The following SLX9 variants were observed in gnomAD, a reference collection of about 807,000 sequenced individuals.
SLX9 encodes the protein ribosome biogenesis protein SLX9 homolog.
Under a neutral mutation model 20.8 loss-of-function variants are expected in SLX9, and 19 were observed. The observed-to-expected ratio is 0.91, with a 90% CI of 0.64 to 1.34. The LOEUF is 1.34. Ranked by LOEUF, SLX9 falls within the 40% of genes most tolerant of loss-of-function variation. SLX9 has a pLI of 0.00. For synonymous variants in SLX9, 113 were observed against 137.1 expected (o/e 0.82, Z 1.23); for missense variants, 299 against 322.2 (o/e 0.93, Z 0.55).
At chr21:44,966,741 G>A (rs574212271) in intron 3 of SLX9, among the ~76,000 whole-genome samples, 4 of 152,314 alleles carry the variant, frequency 2.6e-5, no homozygotes, top group African/African-American at 9.6e-5. Flanking sequence ...ACTCCCCTAC[G>A]CGTGCTCCGG....
Position 44,952,724 on chromosome 21 carries a change from C to T in SLX9, c.284-7376C>T, listed in dbSNP as rs760934434. ...ATGTGGGTGTCCGTGTCATGTGCTC[C>T]GGGCGCCCCCCTGCCTAGGAGACGG... On this transcript the variant is annotated intron_variant, in intron 2 of 5. Coordinates refer to ENST00000291634, the MANE Select transcript of SLX9 (RefSeq NM_058190.4). Among the ~76,000 whole-genome samples the T allele has an allele frequency of 5.9e-5, 9 of 152,178 alleles. 1 individual carries two copies. The highest frequency in any genetic ancestry group is 1.4e-4 in the African/African-American group (6 of 41,450).
intron 4 of SLX9, among the ~76,000 whole-genome samples, chr21:44,972,018 A>G (rs1300987885): frequency 1.3e-5 from 2 of 152,214 alleles, no homozygotes; most frequent in Admixed American, 6.5e-5. Flanking sequence ...AGCTAGGGTT[A>G]AAAGAAAGCG....
chr21:44,946,082 G>A (rs2084636995), intron 2 of SLX9, among the ~76,000 whole-genome samples: 1 of 152,246 alleles, frequency 6.6e-6, no homozygotes, highest in Admixed American at 6.5e-5. Context: ...AGAGTAACTG[G>A]TGGGAGAGGG....
chr21:44,943,689 G>A lies in SLX9; in HGVS notation c.135G>A (p.Trp45Ter), dbSNP rs1387501807. The A allele has an allele frequency of 6.2e-7, 1 of 1,613,880 alleles. No individual in the cohort carries two copies. The highest frequency in any genetic ancestry group is 8.5e-7 in the Non-Finnish European group (1 of 1,179,930). ...PPPASAAGKD[W>*]AFINTNIFAR... ...GTTTTTGTTGGGGACATTAGGACTG[G>A]GCGTTCATCAACACCAACATCTTTG... is the stretch of plus-strand genomic sequence containing the variant. Residue 45 changes from tryptophan to a stop codon, truncating the protein, a stop_gained, in exon 2 of 6, where the codon TGG becomes TGA. Transcript: ENST00000291634. LOFTEE classifies it high-confidence loss of function.
chr21:44,957,343 G>A (rs774438582), intron 2 of SLX9, among the ~76,000 whole-genome samples: 1 of 152,160 alleles, frequency 6.6e-6, no homozygotes, highest in Non-Finnish European at 1.5e-5. Context: ...TGTCCCACAC[G>A]GTCAGTCCCC....
intron 4 of SLX9, among the ~76,000 whole-genome samples, chr21:44,972,552 G>A (rs1236115219): frequency 1.3e-5 from 2 of 152,180 alleles, no homozygotes; most frequent in Non-Finnish European, 2.9e-5. Flanking sequence ...TGCAGTGCTC[G>A]TTGGCACCCC....
At chr21:44,962,988 A>G (rs2084970951) in intron 3 of SLX9, among the ~76,000 whole-genome samples, 1 of 151,520 alleles carries the variant, frequency 6.6e-6, no homozygotes, top group African/African-American at 2.4e-5. Context: ...TTGTCTTTTT[A>G]TTATTGAGCT....
chr21:44,949,037 C>T (rs1016972419), intron 2 of SLX9, among the ~76,000 whole-genome samples: 7 of 152,202 alleles, frequency 4.6e-5, no homozygotes, highest in South Asian at 2.1e-4. Context: ...TGTGCACACC[C>T]GGCCGGGCTC....
At chr21:44,953,165 A>T (rs993856825) in intron 2 of SLX9, among the ~76,000 whole-genome samples, 5 of 152,154 alleles carry the variant, frequency 3.3e-5, no homozygotes, top group African/African-American at 4.8e-5. Flanking sequence ...CTCCTCAGAC[A>T]CTACTCCTCA....
intron 1 of SLX9, among the ~76,000 whole-genome samples, chr21:44,942,211 G>T (rs1325382858): frequency 6.6e-6 from 1 of 152,192 alleles, no homozygotes; most frequent in Non-Finnish European, 1.5e-5. Context: ...GATCTGGAAG[G>T]CTGCATGCTG....
chr21:44,961,674 T>C (rs750498948), intron 3 of SLX9, among the ~76,000 whole-genome samples: 1 of 152,252 alleles, frequency 6.6e-6, no homozygotes. Context: ...TCTTTATCGT[T>C]CTTTATTTGT....
At chr21:44,960,779 C>T (rs546307196) in intron 3 of SLX9, among the ~76,000 whole-genome samples, 1 of 152,228 alleles carries the variant, frequency 6.6e-6, no homozygotes, top group Admixed American at 6.5e-5. Flanking sequence ...AGCCACACTT[C>T]CCACTCAGGT....
intron 4 of SLX9, 85 bp from the exon 5 acceptor site, chr21:44,973,112 A>C (rs961612725): frequency 6.7e-7 from 1 of 1,495,034 alleles, no homozygotes; most frequent in African/African-American, 1.4e-5. Flanking sequence ...CGTCTGCTCT[A>C]AGAAGGGAGG....
chr21:44,945,307 T>C (rs1304316155), intron 2 of SLX9, among the ~76,000 whole-genome samples: 1 of 152,222 alleles, frequency 6.6e-6, no homozygotes, highest in African/African-American at 2.4e-5. Flanking sequence ...CCAGGAACGC[T>C]TGATGTGGGT....
chr21:44,968,647 G>A (rs1054154187), intron 4 of SLX9, among the ~76,000 whole-genome samples: 1 of 152,332 alleles, frequency 6.6e-6, no homozygotes, highest in South Asian at 2.1e-4. Flanking sequence ...GGGCTCAGGC[G>A]GGGGCTGTGT....
intron 2 of SLX9, among the ~76,000 whole-genome samples, chr21:44,956,666 T>C (rs2084863140): frequency 6.6e-6 from 1 of 152,222 alleles, no homozygotes; most frequent in Non-Finnish European, 1.5e-5. Flanking sequence ...GAATCAAGGC[T>C]TGTTGATGGC....
In SLX9 at chr21:44,964,486, G is replaced by A. The variant is rs145431261; in HGVS notation, c.353-2548G>A. 3.3e-3 allele frequency among the ~76,000 whole-genome samples: 507 copies of A among 152,224 alleles called. 1 individual carries two copies. Among genetic ancestry groups the A allele is most frequent in the Middle Eastern group, 0.01 (3 of 294 alleles). ...CCTCCCACTCCTGGAGGCCTCCCCC[G>A]GTCACTCTCCATCCCTTGCTTTGCT... On this transcript the variant is annotated intron_variant, in intron 3 of 5. Transcript: ENST00000291634.
chr21:44,956,333 T>G (rs1292228599), intron 2 of SLX9, among the ~76,000 whole-genome samples: 1 of 152,232 alleles, frequency 6.6e-6, no homozygotes, highest in African/African-American at 2.4e-5. Context: ...AGTGCCTTTT[T>G]AATGTATTTA....
chr21:44,952,058 G>A (rs1294222528), intron 2 of SLX9, among the ~76,000 whole-genome samples: 4 of 147,548 alleles, frequency 2.7e-5, no homozygotes, highest in South Asian at 2.1e-4. Context: ...TAAAGTCGCC[G>A]GTTTGATTTA....
Sources: gnomAD v4.1 joint callset for allele counts (sites outside exome capture counted in the v4.1 genomes callset) on GRCh38, gnomAD v4.1.1 for gene constraint, MANE v1.5 for transcripts, NCBI Gene and HGNC (gene_info 2026-07-23, HGNC 2026-07-21) for gene names.